Variants in ZFHX3 observed in about 807,000 individuals in gnomAD.
ZFHX3 encodes the protein zinc finger homeobox 3.
In ZFHX3, 42 loss-of-function variants were observed where a neutral mutation model predicts 279.1. That is an observed-to-expected ratio of 0.15 (90% CI 0.12 to 0.19). ZFHX3 has a LOEUF of 0.19. ZFHX3 is among the 10% of genes least tolerant of loss of function. The probability of loss-of-function intolerance (pLI) is 1.00; values close to 1 mark genes in which losing one functional copy is unlikely to be tolerated. For missense variants in ZFHX3, 4,981 were observed against 4,754.0 expected (o/e 1.05, Z -1.40); for synonymous variants, 2,293 against 1,957.8 (o/e 1.17, Z -4.52).
intron 1 of ZFHX3, among the ~76,000 whole-genome samples, chr16:72,977,016 A>G (rs1962379563): frequency 6.6e-6 from 1 of 152,208 alleles, no homozygotes. Flanking sequence ...TCTGGGATGA[A>G]GGGCATGCCA....
rs1567497181 is a variant in ZFHX3, at chr16:73,481,630, GTTTGTTTGTTTGTTTGTTTTTGT to G, written c.-1546-25395_-1546-25373del. Among the ~76,000 whole-genome samples the G allele has an allele frequency of 3.5e-5, 5 of 144,092 alleles. No individual in the cohort carries two copies. In the South Asian group the frequency reaches 9.0e-4, roughly 26 times the overall value. 94.5% of individuals were successfully genotyped at this position (144,092 alleles called of 152,430 possible). ...TGCGTGGTGTTGTTTTTTTGTTGTT[GTTTGTTTGTTTGTTTGTTTTTGT>G]TTGTTTGTTTGTTTGTTTTTGTAGA... is the stretch of plus-strand genomic sequence containing the variant. On this transcript the variant is annotated intron_variant, in intron 2 of 17. Transcript: ENST00000641206.
chr16:73,223,608 T>A (rs980718477), intron 5 of ZFHX3, among the ~76,000 whole-genome samples: 8 of 152,182 alleles, frequency 5.3e-5, no homozygotes, highest in Non-Finnish European at 1.0e-4. Context: ...CTGATGGGAA[T>A]GTAAAATTGT....
chr16:73,689,810 G>GTTTT (rs1567552757), intron 1 of ZFHX3, among the ~76,000 whole-genome samples: 20 of 149,750 alleles, frequency 1.3e-4, no homozygotes, highest in Middle Eastern at 3.5e-3. Context: ...ACAGTTTTTT[G>GTTTT]TTTTTTGTTT....
intron 1 of ZFHX3, among the ~76,000 whole-genome samples, chr16:73,774,495 T>C (rs1269116025): frequency 6.6e-6 from 1 of 152,204 alleles, no homozygotes; most frequent in Admixed American, 6.5e-5. Flanking sequence ...CTGTTCTTCC[T>C]ACTTGTAAGC....
intron 1 of ZFHX3, among the ~76,000 whole-genome samples, chr16:73,822,522 T>C (rs1222424534): frequency 1.3e-5 from 2 of 152,172 alleles, no homozygotes; most frequent in Admixed American, 6.5e-5. Context: ...TTTGCTTTTT[T>C]TTTTTAAATT....
Position 73,209,404 on chromosome 16 carries a change from G to A in ZFHX3, c.-1104+47643C>T, listed in dbSNP as rs1258755506. The stretch of plus-strand genomic sequence containing the variant: ...GAAGTCCAAGGTCAAGGCGCCTGCA[G>A]GTCTGGTGTCTGGTGAGAGCCTGGT... On this transcript the variant is annotated intron_variant, in intron 5 of 17. Coordinates refer to the ZFHX3 transcript ENST00000641206. 1.1e-4 allele frequency among the ~76,000 whole-genome samples: 16 copies of A among 152,156 alleles called. 1 individual carries two copies. The highest frequency in any genetic ancestry group is 1.0e-3 in the Admixed American group (16 of 15,272).
At chr16:73,600,930 G>C (rs972796098) in intron 2 of ZFHX3, among the ~76,000 whole-genome samples, 8 of 151,576 alleles carry the variant, frequency 5.3e-5, no homozygotes, top group African/African-American at 1.9e-4. Context: ...TTTACACCTA[G>C]CATAACGCCC....
At chr16:73,887,227 T>C (rs2030376262) in intron 1 of ZFHX3, among the ~76,000 whole-genome samples, 1 of 152,186 alleles carries the variant, frequency 6.6e-6, no homozygotes, top group African/African-American at 2.4e-5. Flanking sequence ...TGACAGCGTG[T>C]TGGCGGCAAA....
At chr16:73,882,499 G>A (rs1165641620) in intron 1 of ZFHX3, among the ~76,000 whole-genome samples, 1 of 151,956 alleles carries the variant, frequency 6.6e-6, no homozygotes, top group Admixed American at 6.6e-5. Flanking sequence ...TTTAACCGCG[G>A]TTCTCCAGGT....
chr16:73,500,849 T>C (rs2019227287), intron 2 of ZFHX3, among the ~76,000 whole-genome samples: 1 of 152,212 alleles, frequency 6.6e-6, no homozygotes, highest in Non-Finnish European at 1.5e-5. Context: ...GAATATATTA[T>C]TGAAGAAAGA....
chr16:73,476,024 T>G (rs1237240542), intron 2 of ZFHX3, among the ~76,000 whole-genome samples: 1 of 152,194 alleles, frequency 6.6e-6, no homozygotes, highest in Admixed American at 6.5e-5. Context: ...ATCGTAATTT[T>G]GAACAGGAAA....
chr16:73,493,333 T>C (rs893356274), intron 2 of ZFHX3, among the ~76,000 whole-genome samples: 8 of 152,236 alleles, frequency 5.3e-5, no homozygotes, highest in East Asian at 1.9e-4. Flanking sequence ...CATTATTCTT[T>C]TTTTTCCAGA....
chr16:73,352,318 A>T (rs1385129192), intron 3 of ZFHX3, among the ~76,000 whole-genome samples: 1 of 152,124 alleles, frequency 6.6e-6, no homozygotes, highest in Non-Finnish European at 1.5e-5. Flanking sequence ...ACAATCAAAT[A>T]GCTCGGTAAG....
intron 1 of ZFHX3, among the ~76,000 whole-genome samples, chr16:73,811,438 CTTTTTT>C (rs34134056): frequency 1.9e-5 from 2 of 106,574 alleles, no homozygotes; most frequent in African/African-American, 3.7e-5. Flanking sequence ...TCAGTCTCTT[CTTTTTT>C]TTTTTTTTTT....
intron 4 of ZFHX3, among the ~76,000 whole-genome samples, chr16:72,850,083 T>C (rs2037578233): frequency 6.6e-6 from 1 of 152,052 alleles, no homozygotes; most frequent in Non-Finnish European, 1.5e-5. Flanking sequence ...CTGATAGAAA[T>C]GATTCAGGCC....
At chr16:72,920,814 A>G (rs1437331703) in intron 3 of ZFHX3, among the ~76,000 whole-genome samples, 2 of 152,064 alleles carry the variant, frequency 1.3e-5, no homozygotes, top group Admixed American at 1.3e-4. Flanking sequence ...TCATGCCTGT[A>G]ATCTCAGCAC....
In ZFHX3 at chr16:73,287,059, C is replaced by T. The variant is rs1442213551; in HGVS notation, c.-1193-29923G>A. ...GTGTGTGGGTTGCTGTGTGGCTGTA[C>T]GGGCCAGTGTGTGGCTGTGTGGGTG... On this transcript the variant is annotated intron_variant, in intron 4 of 17. Transcript: ENST00000641206. Among the ~76,000 whole-genome samples the T allele has an allele frequency of 4.3e-4, 30 of 69,292 alleles. No homozygotes were observed. The East Asian group carries it at 7.8e-3, about 18-fold the overall frequency. 45.5% of individuals were successfully genotyped at this position (69,292 alleles called of 152,430 possible). A position where few individuals can be genotyped will look rare whatever the true frequency, so the allele number is the denominator to read the frequency against.
chr16:72,978,981 G>A (rs370450754), intron 1 of ZFHX3, among the ~76,000 whole-genome samples: 1 of 152,150 alleles, frequency 6.6e-6, no homozygotes, highest in East Asian at 1.9e-4. Flanking sequence ...TAGATGAAGA[G>A]GCAGAGGTCT....
At chr16:73,296,003 G>T (rs924541868) in intron 4 of ZFHX3, among the ~76,000 whole-genome samples, 4 of 152,042 alleles carry the variant, frequency 2.6e-5, no homozygotes, top group African/African-American at 9.7e-5. Context: ...GGGGTCTAAT[G>T]GTTCAGCCAC....
Sources: gnomAD v4.1 joint callset for allele counts (sites outside exome capture counted in the v4.1 genomes callset) on GRCh38, gnomAD v4.1.1 for gene constraint, MANE v1.5 for transcripts, NCBI Gene and HGNC (gene_info 2026-07-23, HGNC 2026-07-21) for gene names.